The following WWOX variants were observed in gnomAD, a reference collection of about 807,000 sequenced individuals.
The protein encoded by WWOX is WW domain containing oxidoreductase, also known as WW domain-containing oxidoreductase.
WWOX carries 69 observed loss-of-function variants against 46.2 expected under a neutral mutation model. That is an observed-to-expected ratio of 1.49 (90% confidence interval 1.23 to 1.82). The LOEUF (loss-of-function observed/expected upper bound fraction) is 1.82, where lower values mean the gene tolerates loss of function less well. Ranked by LOEUF, WWOX falls within the 40% of genes most tolerant of loss-of-function variation. The pLI is 0.00. For missense variants in WWOX, 919 were observed against 542.6 expected, an observed-to-expected ratio of 1.69 and a Z score of -6.89; for synonymous variants, 359 against 202.6, an observed-to-expected ratio of 1.77 and a Z score of -6.56.
At chr16:78,766,289 C>G (rs1405225692) in intron 8 of WWOX, among the ~76,000 whole-genome samples, 1 of 152,190 alleles carries the variant, frequency 6.6e-6, no homozygotes, top group Non-Finnish European at 1.5e-5. Context: ...CTGTGTGTCG[C>G]TAGCCTTATT....
intron 8 of WWOX, among the ~76,000 whole-genome samples, chr16:79,030,809 A>C (rs1490203826): frequency 6.6e-6 from 1 of 152,148 alleles, no homozygotes; most frequent in South Asian, 2.1e-4. Flanking sequence ...AGGGCTGGGC[A>C]TGGTGCCTCA....
chr16:78,738,056 G>C (rs536023458), intron 8 of WWOX, among the ~76,000 whole-genome samples: 1 of 152,278 alleles, frequency 6.6e-6, no homozygotes, highest in Admixed American at 6.5e-5. Context: ...GTCAAGGTGG[G>C]CTCCTAAGTG....
chr16:78,768,310 C>G (rs373283502), intron 8 of WWOX, among the ~76,000 whole-genome samples: 2 of 110,760 alleles, frequency 1.8e-5, no homozygotes, highest in African/African-American at 6.4e-5. Flanking sequence ...AGTTGCCTGG[C>G]TTGGTGCAGT....
chr16:78,930,275 C>G (rs1316805594), intron 8 of WWOX, among the ~76,000 whole-genome samples: 1 of 108,176 alleles, frequency 9.2e-6, no homozygotes, highest in Non-Finnish European at 2.0e-5. Flanking sequence ...TCCTTTCTCT[C>G]TTTCTTTTTT....
intron 8 of WWOX, among the ~76,000 whole-genome samples, chr16:78,810,309 T>C (rs759642483): frequency 1.1e-4 from 16 of 152,222 alleles, no homozygotes; most frequent in African/African-American, 1.4e-4. Context: ...CTATGAAATA[T>C]CATGTTCTGC....
chr16:79,009,902 C>G (rs918398159), intron 8 of WWOX, among the ~76,000 whole-genome samples: 1 of 152,194 alleles, frequency 6.6e-6, no homozygotes, highest in Non-Finnish European at 1.5e-5. Context: ...AGCTTTGGAA[C>G]TTATCAAGTT....
chr16:79,177,179 A>G (rs1457097450), intron 8 of WWOX, among the ~76,000 whole-genome samples: 1 of 152,064 alleles, frequency 6.6e-6, no homozygotes, highest in Non-Finnish European at 1.5e-5. Context: ...TGAAGTTCAC[A>G]TTGAAGTGTG....
chr16:78,563,106 G>A (rs2044478150), intron 8 of WWOX, among the ~76,000 whole-genome samples: 4 of 151,874 alleles, frequency 2.6e-5, no homozygotes, highest in South Asian at 2.1e-4. Context: ...TTTGAAAGTT[G>A]TCTTGTGAGG....
chr16:78,460,431 G>T (rs571327762), intron 8 of WWOX, among the ~76,000 whole-genome samples: 2 of 152,170 alleles, frequency 1.3e-5, no homozygotes, highest in African/African-American at 4.8e-5. Flanking sequence ...GTTGTTTTCA[G>T]TGTAATAACC....
At chr16:78,361,917 C>G in intron 5 of WWOX, among the ~76,000 whole-genome samples, 1 of 150,628 alleles carries the variant, frequency 6.6e-6, no homozygotes, top group Non-Finnish European at 1.5e-5. Flanking sequence ...TGGCCCCTCC[C>G]CCGTTTATTT....
chr16:78,586,222 C>A (rs2045203594), intron 8 of WWOX, among the ~76,000 whole-genome samples: 2 of 152,220 alleles, frequency 1.3e-5, no homozygotes, highest in Non-Finnish European at 1.5e-5. Flanking sequence ...ATTAAAAATT[C>A]AGAATTGGAA....
At chr16:78,105,742 C>T (rs1209956236) in intron 1 of WWOX, among the ~76,000 whole-genome samples, 1 of 152,178 alleles carries the variant, frequency 6.6e-6, no homozygotes, top group African/African-American at 2.4e-5. Flanking sequence ...GAGGCTCTTT[C>T]TATGCCAGCC....
intron 8 of WWOX, among the ~76,000 whole-genome samples, chr16:78,864,418 C>G (rs1210750471): frequency 6.6e-6 from 1 of 152,048 alleles, no homozygotes; most frequent in African/African-American, 2.4e-5. Flanking sequence ...CAGGCGCATG[C>G]CACCACACCC....
At chr16:78,741,336 A>T (rs1260706255) in intron 8 of WWOX, among the ~76,000 whole-genome samples, 3 of 151,822 alleles carry the variant, frequency 2.0e-5, no homozygotes, top group African/African-American at 7.3e-5. Context: ...CAAGGTGGGC[A>T]GATTACTTGA....
chr16:78,615,986 G>A lies in WWOX; in HGVS notation c.1056+183234G>A, dbSNP rs148408098. Among the ~76,000 whole-genome samples the A allele has an allele frequency of 5.4e-3, 815 of 152,178 alleles. 3 individuals carry two copies. Among genetic ancestry groups the A allele is most frequent in the Non-Finnish European group, 8.2e-3 (557 of 67,982 alleles). On this transcript the variant is annotated intron_variant, in intron 8 of 8. Transcript: ENST00000566780. ...AGGATGGTCTCGATCTCCTGACCTC[G>A]TGATCTGCCTGCCTTGGCCTCCCAA...
intron 8 of WWOX, among the ~76,000 whole-genome samples, chr16:78,764,202 G>A (rs539089127): frequency 6.6e-6 from 1 of 152,070 alleles, no homozygotes; most frequent in African/African-American, 2.4e-5. Flanking sequence ...CAGTCTTCCG[G>A]CTCTACCCTG....
intron 8 of WWOX, among the ~76,000 whole-genome samples, chr16:79,050,003 T>C (rs914079362): frequency 6.6e-6 from 1 of 152,178 alleles, no homozygotes; most frequent in African/African-American, 2.4e-5. Flanking sequence ...GCCAGTGTGA[T>C]TGCAGAGTAT....
chr16:78,312,419 C>G (rs1465968405), intron 5 of WWOX, among the ~76,000 whole-genome samples: 3 of 140,486 alleles, frequency 2.1e-5, no homozygotes, highest in Admixed American at 7.8e-5. Context: ...CTCTTGTCAC[C>G]TAGGCTGGAG....
intron 5 of WWOX, among the ~76,000 whole-genome samples, chr16:78,253,018 T>G (rs2038026935): frequency 6.6e-6 from 1 of 152,204 alleles, no homozygotes; most frequent in African/African-American, 2.4e-5. Flanking sequence ...CGTAGGCCCT[T>G]TATAAATGTG....
Sources: allele counts gnomAD v4.1 joint callset (sites outside exome capture counted in the v4.1 genomes callset), GRCh38; gene constraint gnomAD v4.1.1; transcripts MANE v1.5; gene names NCBI Gene and HGNC (gene_info 2026-07-23, HGNC 2026-07-21).